Variants in MAP1B observed in about 807,000 individuals in gnomAD.
MAP1B encodes the protein microtubule-associated protein 1B.
Under a neutral mutation model 176.1 loss-of-function variants are expected in MAP1B, and 12 were observed. The ratio of observed to expected loss-of-function variants is 0.07; its 90% confidence interval spans 0.04 to 0.11. The LOEUF (loss-of-function observed/expected upper bound fraction) is 0.11, where lower values mean the gene tolerates loss of function less well. Among genes scored for constraint, MAP1B ranks in the 10% least tolerant of loss-of-function variants. The probability of loss-of-function intolerance (pLI) is 1.00; values close to 1 mark genes in which losing one functional copy is unlikely to be tolerated. For missense variants in MAP1B, 2,523 were observed against 2,990.5 expected, an observed-to-expected ratio of 0.84 and a Z score of 3.65; for synonymous variants, 1,044 against 1,135.0, an observed-to-expected ratio of 0.92 and a Z score of 1.61.
chr5:72,158,877 C>A lies in MAP1B; in HGVS notation c.287-24866C>A, dbSNP rs572116651. Among the ~76,000 whole-genome samples the A allele has an allele frequency of 2.6e-5, 4 of 152,278 alleles. No individual in the cohort carries two copies. In the South Asian group the frequency reaches 8.3e-4, roughly 32 times the overall value. On this transcript the variant is annotated intron_variant, in intron 2 of 6. Coordinates refer to ENST00000296755, the MANE Select transcript of MAP1B (RefSeq NM_005909.5). Reference sequence around the variant, plus strand: ...TATAATTTGATGTTGAAAGGGTTCACTTATGCAGAAAGTTAGAGATTTGGG... The same window carrying A: ...TATAATTTGATGTTGAAAGGGTTCAATTATGCAGAAAGTTAGAGATTTGGG...
At chr5:72,205,001 G>T in intron 6 of MAP1B, 83 bp from the exon 7 acceptor site, 1 of 1,073,972 alleles carries the variant, frequency 9.3e-7, no homozygotes, top group Non-Finnish European at 1.4e-6. Context: ...TCTTCCAGTG[G>T]TCTAATACCT....
Position 72,197,590 on chromosome 5 carries a change from G to A in MAP1B, c.4235G>A (p.Ser1412Asn). The A allele has an allele frequency of 1.9e-6, 3 of 1,614,176 alleles. No individual in the cohort carries two copies. The highest frequency in any genetic ancestry group is 2.2e-5 in the East Asian group (1 of 44,888). ...ATTGGATCCGAGTCTGCTTATGAAAGTTTTCTAAGTGCTGATGACAAGGCT... is the reference window on the plus strand; with the variant it reads ...ATTGGATCCGAGTCTGCTTATGAAAATTTTCTAAGTGCTGATGACAAGGCT... ...PLIGSESAYE[S>N]FLSADDKASG... Residue 1412 changes from serine to asparagine, a missense_variant, in exon 5 of 7, where the codon AGT (serine) becomes AAT (asparagine). Coordinates refer to ENST00000296755, the MANE Select transcript of MAP1B (RefSeq NM_005909.5).
At chr5:72,129,902 G>A (rs1745698601) in intron 2 of MAP1B, among the ~76,000 whole-genome samples, 1 of 152,062 alleles carries the variant, frequency 6.6e-6, no homozygotes, top group African/African-American at 2.4e-5. Context: ...TTTACACATA[G>A]AACAGAGACT....
At chr5:72,118,810 A>G (rs563410773) in intron 2 of MAP1B, among the ~76,000 whole-genome samples, 2 of 152,322 alleles carry the variant, frequency 1.3e-5, no homozygotes, top group Admixed American at 1.3e-4. Flanking sequence ...CTTTTATGAC[A>G]TAAGTAAATT....
chr5:72,116,105 A>G (rs1163087925), intron 2 of MAP1B: 3 of 267,128 alleles, frequency 1.1e-5, no homozygotes, highest in Non-Finnish European at 7.4e-6. Flanking sequence ...GGCTTGAGAA[A>G]GAGAGAGAGA....
intron 1 of MAP1B, among the ~76,000 whole-genome samples, chr5:72,114,790 G>GCA (rs1745404254): frequency 6.6e-6 from 1 of 152,178 alleles, no homozygotes; most frequent in Non-Finnish European, 1.5e-5. Flanking sequence ...TAGGGCATGA[G>GCA]CACAGGAAGC....
intron 2 of MAP1B, among the ~76,000 whole-genome samples, chr5:72,167,530 T>C (rs1053035993): frequency 6.6e-6 from 1 of 152,216 alleles, no homozygotes; most frequent in African/African-American, 2.4e-5. Context: ...AGAAAACTCA[T>C]TCAGAATATT....
At chr5:72,159,081 A>G (rs1746282132) in intron 2 of MAP1B, among the ~76,000 whole-genome samples, 1 of 152,150 alleles carries the variant, frequency 6.6e-6, no homozygotes, top group Non-Finnish European at 1.5e-5. Flanking sequence ...AATCAGCCCA[A>G]GGTCATAGTT....
chr5:72,118,034 T>C (rs543607119), intron 2 of MAP1B, among the ~76,000 whole-genome samples: 77 of 152,372 alleles, frequency 5.1e-4, no homozygotes, highest in Admixed American at 1.8e-3. Context: ...CCTTTAGCTT[T>C]TCCTGAACAA....
chr5:72,150,354 T>G (rs1312095268), intron 2 of MAP1B, among the ~76,000 whole-genome samples: 1 of 152,272 alleles, frequency 6.6e-6, no homozygotes, highest in African/African-American at 2.4e-5. Context: ...TATTAATATT[T>G]TAAGCATCAC....
At chr5:72,174,169 A>C (rs917051796) in intron 2 of MAP1B, among the ~76,000 whole-genome samples, 10 of 152,218 alleles carry the variant, frequency 6.6e-5, no homozygotes, top group Non-Finnish European at 8.8e-5. Flanking sequence ...ATCCTAGTTC[A>C]GTAGCTTATT....
At chr5:72,144,970 T>A (rs914718338) in intron 2 of MAP1B, among the ~76,000 whole-genome samples, 3 of 152,150 alleles carry the variant, frequency 2.0e-5, no homozygotes, top group Non-Finnish European at 2.9e-5. Context: ...TGTGTGAGAT[T>A]CTAGAGGGCC....
At chr5:72,201,856 G>A (rs954455993) in intron 5 of MAP1B, among the ~76,000 whole-genome samples, 4 of 151,892 alleles carry the variant, frequency 2.6e-5, no homozygotes, top group African/African-American at 9.7e-5. Context: ...GAAAATAATC[G>A]GAATTTTTTC....
chr5:72,158,250 C>T (rs1746265245), intron 2 of MAP1B, among the ~76,000 whole-genome samples: 1 of 151,658 alleles, frequency 6.6e-6, no homozygotes, highest in Non-Finnish European at 1.5e-5. Flanking sequence ...CCTTGTGATC[C>T]GCTCACCTCA....
chr5:72,174,539 G>A (rs1746612482), intron 2 of MAP1B, among the ~76,000 whole-genome samples: 1 of 152,206 alleles, frequency 6.6e-6, no homozygotes, highest in Non-Finnish European at 1.5e-5. Flanking sequence ...TGTGAGGTGA[G>A]GAAATTCTGA....
intron 1 of MAP1B, among the ~76,000 whole-genome samples, chr5:72,114,466 T>G (rs1159261136): frequency 6.6e-6 from 1 of 152,230 alleles, no homozygotes; most frequent in Admixed American, 6.5e-5. Flanking sequence ...AGCCCTTACC[T>G]TTAGGAGGTA....
intron 2 of MAP1B, among the ~76,000 whole-genome samples, chr5:72,127,049 G>T (rs1164782955): frequency 1.3e-5 from 2 of 152,196 alleles, no homozygotes; most frequent in Non-Finnish European, 2.9e-5. Flanking sequence ...TTGAGCTTCA[G>T]GTTAGCTGCT....
At chr5:72,167,750 A>G (rs1212212619) in intron 2 of MAP1B, among the ~76,000 whole-genome samples, 1 of 152,346 alleles carries the variant, frequency 6.6e-6, no homozygotes, top group Middle Eastern at 3.4e-3. Flanking sequence ...AAGTATTGAT[A>G]AGTAGACTTT....
chr5:72,182,800 G>A (rs1032480867), intron 2 of MAP1B, among the ~76,000 whole-genome samples: 45 of 152,068 alleles, frequency 3.0e-4, no homozygotes, highest in Admixed American at 2.4e-3. Context: ...CCAACCATGC[G>A]TCTCCCTCCC....
Sources: gnomAD v4.1 joint callset for allele counts (sites outside exome capture counted in the v4.1 genomes callset) on GRCh38, gnomAD v4.1.1 for gene constraint, MANE v1.5 for transcripts, NCBI Gene and HGNC (gene_info 2026-07-23, HGNC 2026-07-21) for gene names.